Variants in UGGT2 observed in about 807,000 individuals in gnomAD.
UGGT2 encodes the protein UDP-glucose glycoprotein glucosyltransferase 2.
Under a neutral mutation model 192.1 loss-of-function variants are expected in UGGT2, and 180 were observed. The observed-to-expected ratio is 0.94, with a 90% CI of 0.83 to 1.06. UGGT2 has a LOEUF of 1.06. UGGT2 is among the 50% of genes least tolerant of loss of function. The pLI is 0.00. For synonymous variants in UGGT2, 580 were observed against 591.0 expected, an observed-to-expected ratio of 0.98 and a Z score of 0.27; for missense variants, 1,849 against 1,795.7, an observed-to-expected ratio of 1.03 and a Z score of -0.54.
chr13:95,859,364 G>C (rs1889933302), intron 33 of UGGT2, among the ~76,000 whole-genome samples: 1 of 151,902 alleles, frequency 6.6e-6, no homozygotes, highest in South Asian at 2.1e-4. Flanking sequence ...AAAACTACTA[G>C]CCATTCTGAT....
intron 38 of UGGT2, among the ~76,000 whole-genome samples, chr13:95,809,101 C>G (rs560375668): frequency 6.6e-6 from 1 of 152,050 alleles, no homozygotes; most frequent in South Asian, 2.1e-4. Flanking sequence ...CTGGTTGTAC[C>G]CAAAAATAAA....
chr13:95,844,220 C>G (rs1888158221), intron 36 of UGGT2, among the ~76,000 whole-genome samples: 1 of 152,212 alleles, frequency 6.6e-6, no homozygotes, highest in South Asian at 2.1e-4. Context: ...CCTCGGCCTC[C>G]CAAAGTGCTG....
intron 9 of UGGT2, 60 bp from the exon 10 acceptor site, chr13:95,983,924 T>C (rs186205917): frequency 9.2e-7 from 1 of 1,088,676 alleles, no homozygotes; most frequent in African/African-American, 1.6e-5. Flanking sequence ...CTGATCTATA[T>C]AACCCAATGT....
At chr13:95,875,961 C>CT (rs980302073) in intron 29 of UGGT2, among the ~76,000 whole-genome samples, 1 of 152,078 alleles carries the variant, frequency 6.6e-6, no homozygotes, top group African/African-American at 2.4e-5. Context: ...ATAAAAAAGA[C>CT]TTTATCAAGA....
At chr13:95,997,460 T>C (rs943152358) in intron 6 of UGGT2, among the ~76,000 whole-genome samples, 3 of 151,956 alleles carry the variant, frequency 2.0e-5, no homozygotes, top group African/African-American at 4.8e-5. Context: ...CTGGCCAACA[T>C]GGTGAAACCT....
intron 12 of UGGT2, among the ~76,000 whole-genome samples, chr13:95,954,320 C>T (rs916718777): frequency 6.6e-6 from 1 of 152,136 alleles, no homozygotes; most frequent in African/African-American, 2.4e-5. Context: ...TTGGCAAGGG[C>T]ATTCCAAAGT....
Position 95,884,592 on chromosome 13 carries a change from GA to G in UGGT2, c.3126del (p.Pro1043LeufsTer6). The G allele has an allele frequency of 6.2e-7, 1 of 1,613,942 alleles. No individual in the cohort carries two copies. Among genetic ancestry groups the G allele is most frequent in the Non-Finnish European group, 8.5e-7 (1 of 1,179,928 alleles). ...TTGAGGATTAGGAGGGGTGATTCAG[GA>G]ATATCCAAAAATTTTGCCACTGGTC... is the stretch of plus-strand genomic sequence containing the variant. ...SLGPVAKFLDIPESPLLILNM... is the reference protein window; with the variant it reads ...SLGPVAKFLDXPESPLLILNM... On this transcript the variant is annotated frameshift_variant, in exon 27 of 39. Coordinates refer to ENST00000376747, the MANE Select transcript of UGGT2 (RefSeq NM_020121.4). LOFTEE classifies it high-confidence loss of function.
chr13:95,817,721 A>G (rs1361416956), intron 38 of UGGT2, among the ~76,000 whole-genome samples: 1 of 152,196 alleles, frequency 6.6e-6, no homozygotes, highest in East Asian at 1.9e-4. Context: ...CTAAAAGCAA[A>G]TTCTAAAAAA....
chr13:96,044,284 T>C (rs1413030801), intron 1 of UGGT2, among the ~76,000 whole-genome samples: 2 of 152,134 alleles, frequency 1.3e-5, no homozygotes, highest in Admixed American at 1.3e-4. Flanking sequence ...GAAATCAAGA[T>C]GGAAATTTAA....
chr13:95,901,024 A>G, intron 21 of UGGT2, 86 bp from the exon 22 acceptor site: 1 of 955,946 alleles, frequency 1.0e-6, no homozygotes, highest in Non-Finnish European at 1.4e-6. Context: ...ATATTAGTAT[A>G]AAATTTTAAA....
chr13:95,932,273 TTCATC>T (rs1387312924), intron 17 of UGGT2, among the ~76,000 whole-genome samples: 1 of 151,802 alleles, frequency 6.6e-6, no homozygotes, highest in Non-Finnish European at 1.5e-5. Context: ...GTAGAGATCT[TTCATC>T]TCCTTAGTTA....
At chr13:95,839,844 G>A (rs535121339) in intron 36 of UGGT2, among the ~76,000 whole-genome samples, 1 of 152,132 alleles carries the variant, frequency 6.6e-6, no homozygotes, top group South Asian at 2.1e-4. Flanking sequence ...AGTATGAAGT[G>A]GTATCTCATT....
In UGGT2 at chr13:95,877,735, T is replaced by C; in HGVS notation, c.3350A>G (p.Lys1117Arg). 6.2e-7 allele frequency: 1 copy of C among 1,614,018 alleles called. No homozygotes were observed. Among genetic ancestry groups the C allele is most frequent in the Non-Finnish European group, 8.5e-7 (1 of 1,179,962 alleles). Residue 1117 changes from lysine to arginine, a missense_variant, in exon 28 of 39, where the codon AAA becomes AGA. Physicochemically the swap from Lys to Arg is conservative, Grantham distance 26. Coordinates refer to ENST00000376747, the MANE Select transcript of UGGT2 (RefSeq NM_020121.4). ...CACTATTGTATCAACCACAGCAGGT[T>C]TATTTTTTGTGCCTAGTGTGAACTG... is the stretch of plus-strand genomic sequence containing the variant. ...GLQFTLGTKN[K>R]PAVVDTIVMA...
intron 29 of UGGT2, among the ~76,000 whole-genome samples, chr13:95,870,383 T>C (rs1336227174): frequency 6.6e-6 from 1 of 152,206 alleles, no homozygotes; most frequent in African/African-American, 2.4e-5. Context: ...ATTTGCATGT[T>C]ATTTGGAACT....
At chr13:96,019,466 C>T (rs2052450532) in intron 4 of UGGT2, among the ~76,000 whole-genome samples, 1 of 152,120 alleles carries the variant, frequency 6.6e-6, no homozygotes, top group African/African-American at 2.4e-5. Context: ...GAAACACTCA[C>T]TTATCCCTCA....
chr13:96,013,070 G>GT (rs1227780475), intron 5 of UGGT2, among the ~76,000 whole-genome samples: 1 of 151,854 alleles, frequency 6.6e-6, no homozygotes, highest in Non-Finnish European at 1.5e-5. Context: ...GTATGTTTTT[G>GT]TTTTTTATCC....
chr13:95,993,114 G>A (rs1454511828), intron 7 of UGGT2, among the ~76,000 whole-genome samples: 1 of 152,098 alleles, frequency 6.6e-6, no homozygotes, highest in Non-Finnish European at 1.5e-5. Flanking sequence ...GCAGCGGTAG[G>A]CCATTATCCT....
chr13:95,914,096 G>C (rs1040911891), intron 20 of UGGT2, among the ~76,000 whole-genome samples: 2 of 152,136 alleles, frequency 1.3e-5, no homozygotes, highest in African/African-American at 4.8e-5. Flanking sequence ...AGGGCCTGTT[G>C]AGGGATGGGG....
intron 38 of UGGT2, among the ~76,000 whole-genome samples, chr13:95,830,979 G>C (rs140745250): frequency 6.6e-6 from 1 of 152,230 alleles, no homozygotes; most frequent in African/African-American, 2.4e-5. Flanking sequence ...TCCTTTGTAG[G>C]GACATGGATG....
Sources: gnomAD v4.1 joint callset for allele counts (sites outside exome capture counted in the v4.1 genomes callset) on GRCh38, gnomAD v4.1.1 for gene constraint, MANE v1.5 for transcripts, NCBI Gene and HGNC (gene_info 2026-07-23, HGNC 2026-07-21) for gene names.